Variants in PPP3CA observed in about 807,000 individuals in gnomAD.
The protein encoded by PPP3CA is CAM-PRP catalytic subunit.
In PPP3CA, 14 loss-of-function variants were observed where a neutral mutation model predicts 66.5. That is an observed-to-expected ratio of 0.21 (90% CI 0.14 to 0.33). PPP3CA has a LOEUF of 0.33. Ranked by LOEUF, PPP3CA falls within the 10% of genes least tolerant of loss-of-function variation. The pLI, the probability that PPP3CA is intolerant of heterozygous loss-of-function variation, is 1.00. For missense variants in PPP3CA, 317 were observed against 639.5 expected (o/e 0.50, Z 5.44); for synonymous variants, 232 against 226.2 (o/e 1.03, Z -0.23).
intron 1 of PPP3CA, among the ~76,000 whole-genome samples, chr4:101,331,040 C>T (rs1729369557): frequency 6.6e-6 from 1 of 152,084 alleles, no homozygotes; most frequent in African/African-American, 2.4e-5. Flanking sequence ...ACAGAAAATG[C>T]CACAGATGTT....
At chr4:101,267,857 A>T (rs1044297388) in intron 1 of PPP3CA, among the ~76,000 whole-genome samples, 1 of 152,168 alleles carries the variant, frequency 6.6e-6, no homozygotes, top group Admixed American at 6.6e-5. Flanking sequence ...TATACTATCG[A>T]TACTATTGTT....
chr4:101,269,254 T>C (rs1727259348), intron 1 of PPP3CA, among the ~76,000 whole-genome samples: 1 of 152,082 alleles, frequency 6.6e-6, no homozygotes, highest in Non-Finnish European at 1.5e-5. Context: ...AAGAATCATC[T>C]TTCCAGAAGC....
chr4:101,120,953 TATCTA>T (rs1403122628), intron 2 of PPP3CA, among the ~76,000 whole-genome samples: 5 of 152,100 alleles, frequency 3.3e-5, no homozygotes, highest in Admixed American at 1.3e-4. Flanking sequence ...ATACCACAAA[TATCTA>T]AGGAAACTAT....
intron 3 of PPP3CA, among the ~76,000 whole-genome samples, chr4:101,101,951 C>A (rs190184494): frequency 6.6e-6 from 1 of 152,266 alleles, no homozygotes; most frequent in African/African-American, 2.4e-5. Context: ...CTAGGACCCA[C>A]ATTTTCTTTT....
chr4:101,142,050 TAAA>T (rs34130592), intron 2 of PPP3CA, among the ~76,000 whole-genome samples: 10 of 133,094 alleles, frequency 7.5e-5, no homozygotes, highest in African/African-American at 1.6e-4. Context: ...GGAAACAAGG[TAAA>T]AAAAAAAAAA....
At chr4:101,281,979 T>C (rs1282364040) in intron 1 of PPP3CA, among the ~76,000 whole-genome samples, 1 of 152,164 alleles carries the variant, frequency 6.6e-6, no homozygotes, top group African/African-American at 2.4e-5. Flanking sequence ...TAAATACACA[T>C]TCATGGAGCT....
chr4:101,059,293 A>T (rs116536436), intron 10 of PPP3CA, among the ~76,000 whole-genome samples: 81 of 152,244 alleles, frequency 5.3e-4, no homozygotes, highest in Non-Finnish European at 9.3e-4. Flanking sequence ...TTAAGTTCTT[A>T]TATATTCTTA....
intron 1 of PPP3CA, among the ~76,000 whole-genome samples, chr4:101,258,360 A>T (rs1184847025): frequency 1.3e-5 from 2 of 152,080 alleles, no homozygotes; most frequent in African/African-American, 4.8e-5. Flanking sequence ...AACCACTAGC[A>T]AGCAAAAGGA....
At chr4:101,112,204 T>C (rs1721696743) in intron 2 of PPP3CA, among the ~76,000 whole-genome samples, 1 of 152,122 alleles carries the variant, frequency 6.6e-6, no homozygotes, top group Admixed American at 6.6e-5. Flanking sequence ...AAAAAATGTC[T>C]CTAGACAATG....
At chr4:101,116,142 T>C (rs561894612) in intron 2 of PPP3CA, among the ~76,000 whole-genome samples, 12 of 152,066 alleles carry the variant, frequency 7.9e-5, no homozygotes, top group African/African-American at 2.4e-4. Flanking sequence ...TTGCATGAAG[T>C]AGAAAAACTT....
intron 6 of PPP3CA, among the ~76,000 whole-genome samples, chr4:101,092,542 C>G (rs1730000286): frequency 1.3e-5 from 2 of 151,676 alleles, no homozygotes; most frequent in African/African-American, 2.4e-5. Context: ...ACCCATCAAC[C>G]CGTCATCTAC....
intron 2 of PPP3CA, among the ~76,000 whole-genome samples, chr4:101,184,518 AAT>A (rs1724345732): frequency 1.3e-5 from 2 of 152,216 alleles, no homozygotes; most frequent in Admixed American, 1.3e-4. Flanking sequence ...AAGAGGGCAA[AAT>A]ATGTTATTAA....
intron 10 of PPP3CA, among the ~76,000 whole-genome samples, chr4:101,044,852 G>C (rs1727689437): frequency 1.3e-5 from 2 of 152,198 alleles, no homozygotes; most frequent in Non-Finnish European, 2.9e-5. Flanking sequence ...GAAGTTTTAA[G>C]ATATCTATGG....
intron 1 of PPP3CA, among the ~76,000 whole-genome samples, chr4:101,285,565 T>C (rs773825870): frequency 2.6e-5 from 4 of 151,438 alleles, no homozygotes; most frequent in Admixed American, 2.0e-4. Flanking sequence ...TGATACTAAT[T>C]CCTTTCCCTT....
At chr4:101,084,025 AATC>A (rs1729553142) in intron 6 of PPP3CA, among the ~76,000 whole-genome samples, 1 of 152,208 alleles carries the variant, frequency 6.6e-6, no homozygotes, top group African/African-American at 2.4e-5. Flanking sequence ...ATGAAATTCA[AATC>A]ATAAATTAAA....
intron 2 of PPP3CA, among the ~76,000 whole-genome samples, chr4:101,130,615 G>T (rs1722398162): frequency 6.6e-6 from 1 of 152,132 alleles, no homozygotes; most frequent in African/African-American, 2.4e-5. Flanking sequence ...TAAAAGAAAA[G>T]AATTTTCAAC....
intron 1 of PPP3CA, among the ~76,000 whole-genome samples, chr4:101,288,525 G>C (rs928478097): frequency 1.3e-5 from 2 of 151,090 alleles, no homozygotes; most frequent in Non-Finnish European, 2.9e-5. Context: ...AAGGAGAGGG[G>C]AGGAGAAGGG....
intron 2 of PPP3CA, among the ~76,000 whole-genome samples, chr4:101,128,487 C>G (rs1722317307): frequency 6.6e-6 from 1 of 151,942 alleles, no homozygotes; most frequent in South Asian, 2.1e-4. Context: ...CTCCTGTCTG[C>G]AGCTCCCAGC....
chr4:101,059,206 A>G (rs939547693), intron 10 of PPP3CA, among the ~76,000 whole-genome samples: 1 of 152,160 alleles, frequency 6.6e-6, no homozygotes, highest in Non-Finnish European at 1.5e-5. Flanking sequence ...TGGCTATAAC[A>G]TATGAAACAT....
Sources: gnomAD v4.1 joint callset for allele counts (sites outside exome capture counted in the v4.1 genomes callset) on GRCh38, gnomAD v4.1.1 for gene constraint, MANE v1.5 for transcripts, NCBI Gene and HGNC (gene_info 2026-07-23, HGNC 2026-07-21) for gene names.